Variants in ACACA observed in about 807,000 individuals in gnomAD.
ACACA encodes the protein acetyl-CoA carboxylase alpha, also known as acetyl-CoA carboxylase 1.
A neutral mutation model predicts 296.1 loss-of-function variants in ACACA; 103 were observed. The observed-to-expected ratio is 0.35, with a 90% CI of 0.30 to 0.41. The LOEUF is 0.41. Among genes scored for constraint, ACACA ranks in the 10% least tolerant of loss-of-function variants. ACACA has a pLI of 1.00. For missense variants in ACACA, 1,554 were observed against 2,989.7 expected (o/e 0.52, Z 11.20); for synonymous variants, 953 against 1,038.6 (o/e 0.92, Z 1.58).
At chr17:37,104,145 G>A (rs895003820) in intron 52 of ACACA, among the ~76,000 whole-genome samples, 42 of 152,124 alleles carry the variant, frequency 2.8e-4, no homozygotes, top group African/African-American at 9.9e-4. Flanking sequence ...AAAAAATCTC[G>A]TAATGTTTTA....
At chr17:37,127,842 C>CAA (rs748709541) in intron 47 of ACACA, among the ~76,000 whole-genome samples, 5 of 44,442 alleles carry the variant, frequency 1.1e-4, no homozygotes, top group East Asian at 6.3e-4. Context: ...GACTCCGCCT[C>CAA]AAAAAAAAAA....
chr17:37,217,734 C>CAAAAAAA (rs57846347), intron 29 of ACACA, among the ~76,000 whole-genome samples: 3 of 29,394 alleles, frequency 1.0e-4, no homozygotes, highest in African/African-American at 1.8e-4. Flanking sequence ...GACTCCATCT[C>CAAAAAAA]AAAAAAAAAA....
chr17:37,112,049 A>ACTATCTATCTATCTAT (rs10531552), intron 51 of ACACA, among the ~76,000 whole-genome samples: 5,819 of 149,426 alleles, frequency 0.039, 246 homozygotes, highest in African/African-American at 0.1. Flanking sequence ...CTTCATCAAT[A>ACTATCTATCTATCTAT]CTATCTATCT....
rs750223830 is a variant in ACACA, at chr17:37,333,525, G to C, written c.86-3100C>G. On this transcript the variant is annotated intron_variant, in intron 2 of 55. Transcript: ENST00000616317. ...GAAGAAATAGAATGGGGAACCTCAC[G>C]GGGACATAGTTTCCTCCCCTCAGGA... 2.0e-5 allele frequency among the ~76,000 whole-genome samples: 3 copies of C among 152,080 alleles called. No homozygotes were observed. The East Asian group carries it at 5.8e-4, about 29-fold the overall frequency.
At chr17:37,378,108 G>C in intron 1 of ACACA, 1 of 691,874 alleles carries the variant, frequency 1.4e-6, no homozygotes, top group East Asian at 2.9e-5. Context: ...GGGCTTTCTG[G>C]AAACCAATCT....
At chr17:37,178,474 G>C (rs534783855) in intron 41 of ACACA, among the ~76,000 whole-genome samples, 66 of 152,220 alleles carry the variant, frequency 4.3e-4, no homozygotes, top group African/African-American at 1.5e-3. Flanking sequence ...ATCCAAATAA[G>C]AAAAAACATT....
chr17:37,259,331 GCT>G (rs749004673), intron 12 of ACACA, 27 bp downstream of exon 12: 1 of 1,613,622 alleles, frequency 6.2e-7, no homozygotes, highest in Non-Finnish European at 8.5e-7. Context: ...ACTTTTCTAG[GCT>G]CTGCAACCCA....
intron 3 of ACACA, among the ~76,000 whole-genome samples, chr17:37,319,610 C>T (rs2047250778): frequency 6.6e-6 from 1 of 152,020 alleles, no homozygotes; most frequent in Non-Finnish European, 1.5e-5. Context: ...ACCACTTGAG[C>T]CCAGGAGTTC....
chr17:37,209,710 A>T (rs1015098781), intron 30 of ACACA, among the ~76,000 whole-genome samples: 2 of 152,204 alleles, frequency 1.3e-5, no homozygotes. Context: ...CGTGTAGCTG[A>T]TTATCTGCAA....
At chr17:37,400,108 A>T (rs779080506) in intron 1 of ACACA, among the ~76,000 whole-genome samples, 1 of 151,818 alleles carries the variant, frequency 6.6e-6, no homozygotes, top group African/African-American at 2.4e-5. Context: ...GCATATATAT[A>T]TTTTTGTTTG....
intron 3 of ACACA, among the ~76,000 whole-genome samples, chr17:37,320,323 C>A (rs1172342978): frequency 6.6e-6 from 1 of 151,132 alleles, no homozygotes; most frequent in Non-Finnish European, 1.5e-5. Flanking sequence ...ACCAGCTGGC[C>A]AACATGGCGA....
chr17:37,241,317 A>C (rs2080391774), intron 23 of ACACA, among the ~76,000 whole-genome samples: 1 of 152,212 alleles, frequency 6.6e-6, no homozygotes. Flanking sequence ...TAAGCTAAGA[A>C]GAAAAAATGT....
intron 55 of ACACA, 144 bp from the exon 56 acceptor site, chr17:37,087,583 T>A: frequency 9.6e-7 from 1 of 1,046,842 alleles, no homozygotes. Flanking sequence ...TTCCCTATAT[T>A]ACAAATATCC....
At chr17:37,171,087 G>T (rs2076866283) in intron 41 of ACACA, among the ~76,000 whole-genome samples, 1 of 152,160 alleles carries the variant, frequency 6.6e-6, no homozygotes, top group Admixed American at 6.5e-5. Context: ...TTAAATACAG[G>T]TTAGGCTGTG....
At chr17:37,249,529 T>G (rs2080879218) in intron 16 of ACACA, among the ~76,000 whole-genome samples, 2 of 152,206 alleles carry the variant, frequency 1.3e-5, no homozygotes, top group Non-Finnish European at 2.9e-5. Flanking sequence ...CTATTTTCTG[T>G]TTTTTGACAG....
intron 35 of ACACA, among the ~76,000 whole-genome samples, chr17:37,199,702 T>C (rs1374418960): frequency 1.3e-5 from 2 of 152,160 alleles, no homozygotes; most frequent in Admixed American, 6.5e-5. Context: ...TCCTTGATTA[T>C]TGATTCACTA....
chr17:37,104,260 C>T (rs1340173508), intron 52 of ACACA, among the ~76,000 whole-genome samples: 1 of 152,110 alleles, frequency 6.6e-6, no homozygotes, highest in African/African-American at 2.4e-5. Context: ...AAAAATAAGT[C>T]CCCATGAAAT....
rs568892742 is a variant in ACACA at position 37,134,524 on chromosome 17, G to T, written c.5680-4306C>A. Among the ~76,000 whole-genome samples, 151 of 152,180 alleles carry T rather than the reference G, an allele frequency of 9.9e-4. 1 individual carries two copies. Among genetic ancestry groups the T allele is most frequent in the African/African-American group, 3.3e-3 (139 of 41,530 alleles). ...TGTCCTGACATACACATTATGTTGGGGACCCTTAGACTTATAGGCAAATAT... is the reference window on the plus strand; with the variant it reads ...TGTCCTGACATACACATTATGTTGGTGACCCTTAGACTTATAGGCAAATAT... On this transcript the variant is annotated intron_variant, in intron 45 of 55. Coordinates refer to ENST00000616317, the MANE Select transcript of ACACA (RefSeq NM_198834.3).
chr17:37,353,319 T>C (rs2048988160), intron 1 of ACACA, among the ~76,000 whole-genome samples: 2 of 152,030 alleles, frequency 1.3e-5, no homozygotes, highest in Non-Finnish European at 2.9e-5. Flanking sequence ...TATACACAAC[T>C]AAGAACAGAT....
Sources: allele counts gnomAD v4.1 joint callset (sites outside exome capture counted in the v4.1 genomes callset), GRCh38; gene constraint gnomAD v4.1.1; transcripts MANE v1.5; gene names NCBI Gene and HGNC (gene_info 2026-07-23, HGNC 2026-07-21).